The following PHF3 variants were observed in gnomAD, a reference collection of about 807,000 sequenced individuals.
The protein encoded by PHF3 is PHD finger protein 3.
In PHF3, 41 loss-of-function variants were observed where a neutral mutation model predicts 178.4. The ratio of observed to expected loss-of-function variants is 0.23; its 90% CI spans 0.18 to 0.30. PHF3 has a LOEUF of 0.30. Among genes scored for constraint, PHF3 ranks in the 10% least tolerant of loss-of-function variants. The pLI is 1.00. For synonymous variants in PHF3, 842 were observed against 800.5 expected (o/e 1.05, Z -0.88); for missense variants, 2,346 against 2,398.1 (o/e 0.98, Z 0.45).
chr6:63,700,495 C>A, intron 9 of PHF3, 29 bp downstream of exon 9: 1 of 1,158,400 alleles, frequency 8.6e-7, no homozygotes, highest in Non-Finnish European at 1.3e-6. Context: ...ATGCATTTGA[C>A]TATCAAAATC....
chr6:63,670,575 C>T (rs548478045), intron 2 of PHF3, among the ~76,000 whole-genome samples: 4 of 152,264 alleles, frequency 2.6e-5, no homozygotes, highest in African/African-American at 9.6e-5. Context: ...CATGAGCCAC[C>T]GTGCCCGGCG....
At chr6:63,698,175 G>T (rs764254848) in intron 6 of PHF3, 48 bp from the exon 7 acceptor site, 1 of 1,449,098 alleles carries the variant, frequency 6.9e-7, no homozygotes, top group South Asian at 1.3e-5. Flanking sequence ...AAAAAGGAAA[G>T]ATATTTTTAA....
In PHF3 at chr6:63,706,757, G is replaced by T; in HGVS notation, c.3592G>T (p.Glu1198Ter). ...RPEMPGTVEV[E>*]STFLARLNFI... ...AGAGATGCCTGGAACTGTTGAAGTT[G>T]AGTCTACCTTTCTGGCTCGATTGAA... Residue 1198 changes from glutamate to a stop codon, truncating the protein, a stop_gained, in exon 13 of 16, where the codon GAG (glutamate) becomes TAG (stop). Transcript: ENST00000262043. LOFTEE classifies it high-confidence loss of function. The T allele has an allele frequency of 6.2e-7, 1 of 1,613,866 alleles. No individual in the cohort carries two copies. Among genetic ancestry groups the T allele is most frequent in the Non-Finnish European group, 8.5e-7 (1 of 1,179,876 alleles).
Position 63,698,540 on chromosome 6 carries a change from A to T in PHF3, c.2917A>T (p.Thr973Ser). The change falls in exon 8 of 16, where the codon ACA (threonine) becomes TCA (serine). Residue 973 changes from threonine to serine, a missense_variant. Coordinates refer to ENST00000262043, the MANE Select transcript of PHF3 (RefSeq NM_001370348.2). ...AGAGCTTTTCTCTTTTTTTCGGGAC[A>T]CAGATGCTAAATATAAGAACAAATA... Reference protein sequence around the residue: ...EKELFSFFRDTDAKYKNKYRS... With the variant: ...EKELFSFFRDSDAKYKNKYRS... The T allele has an allele frequency of 6.3e-7, 1 of 1,599,350 alleles. No individual in the cohort carries two copies. The highest frequency in any genetic ancestry group is 8.5e-7 in the Non-Finnish European group (1 of 1,175,094).
Position 63,716,368 on chromosome 6 carries a change from C to T in PHF3, c.*2660C>T, listed in dbSNP as rs151142655. 6.6e-5 allele frequency among the ~76,000 whole-genome samples: 10 copies of T among 152,268 alleles called. No individual in the cohort carries two copies. Among genetic ancestry groups the T allele is most frequent in the African/African-American group, 1.2e-4 (5 of 41,574 alleles). Reference sequence around the variant, plus strand: ...TACCTTTCATAGCCCTCTTTCTTTGCGTTCCACTGAACTGTCTGAAACCCT... The same window carrying T: ...TACCTTTCATAGCCCTCTTTCTTTGTGTTCCACTGAACTGTCTGAAACCCT... On this transcript the variant is annotated 3_prime_UTR_variant, in exon 16 of 16. Coordinates refer to ENST00000262043, the MANE Select transcript of PHF3 (RefSeq NM_001370348.2).
chr6:63,679,965 T>A (rs1197887965), intron 2 of PHF3, 35 bp from the exon 3 acceptor site: 2 of 1,575,094 alleles, frequency 1.3e-6, no homozygotes, highest in Non-Finnish European at 1.7e-6. Flanking sequence ...TTCCCAATAT[T>A]TTTAAAAGTT....
intron 10 of PHF3, among the ~76,000 whole-genome samples, 190 bp from the exon 11 acceptor site, chr6:63,703,346 T>G (rs1767556442): frequency 6.6e-6 from 1 of 152,166 alleles, no homozygotes; most frequent in Admixed American, 6.5e-5. Context: ...TTTGCTCTTT[T>G]AAGTCACAGT....
chr6:63,670,475 A>C (rs2149567421), intron 2 of PHF3, among the ~76,000 whole-genome samples: 1 of 152,014 alleles, frequency 6.6e-6, no homozygotes, highest in South Asian at 2.1e-4. Context: ...TCACCACGTT[A>C]GCCAGGATGG....
In PHF3 at chr6:63,684,639, A is replaced by G. The variant is rs760614750; in HGVS notation, c.917A>G (p.Glu306Gly). The G allele has an allele frequency of 6.2e-7, 1 of 1,613,902 alleles. No homozygotes were observed. Among genetic ancestry groups the G allele is most frequent in the East Asian group, 2.2e-5 (1 of 44,866 alleles). ...QNDSISGKTGETVVEEMIATR... is the reference protein window; with the variant it reads ...QNDSISGKTGGTVVEEMIATR... ...GATTCCATTTCAGGTAAAACGGGTG[A>G]GACTGTTGTTGAAGAAATGATAGCA... is the stretch of plus-strand genomic sequence containing the variant. The change falls in exon 4 of 16, where the codon GAG (glutamate) becomes GGG (glycine). Residue 306 changes from glutamate to glycine, a missense_variant. This residue lies in a region of PHF3 where 843 missense variants were observed against 795.2 expected (regional missense o/e 1.06). Coordinates refer to ENST00000262043, the MANE Select transcript of PHF3 (RefSeq NM_001370348.2).
chr6:63,666,918 G>GT (rs923443641), intron 2 of PHF3, among the ~76,000 whole-genome samples: 3 of 151,832 alleles, frequency 2.0e-5, no homozygotes, highest in Admixed American at 6.6e-5. Flanking sequence ...TGCCCAGCTA[G>GT]TTTTTGTATT....
intron 2 of PHF3, among the ~76,000 whole-genome samples, chr6:63,678,308 T>G (rs965528614): frequency 2.0e-5 from 3 of 152,062 alleles, no homozygotes; most frequent in Non-Finnish European, 1.5e-5. Flanking sequence ...GCAACCAATA[T>G]TCCATCATGG....
rs143674918 is a variant in PHF3, at chr6:63,689,219, C to T, written c.2190-2518C>T. Among the ~76,000 whole-genome samples the T allele has an allele frequency of 6.8e-3, 1,029 of 152,238 alleles. 3 individuals carry two copies. Among genetic ancestry groups the T allele is most frequent in the East Asian group, 0.015 (76 of 5,188 alleles). On this transcript the variant is annotated intron_variant, in intron 4 of 15. Coordinates refer to ENST00000262043, the MANE Select transcript of PHF3 (RefSeq NM_001370348.2). Reference sequence around the variant, plus strand: ...ATGCAACTTTTGAACTTCTTTTAAACGTAAGTCAGTTGGCATTTTGTAAGG... The same window carrying T: ...ATGCAACTTTTGAACTTCTTTTAAATGTAAGTCAGTTGGCATTTTGTAAGG...
chr6:63,671,686 A>G (rs1486338051), intron 2 of PHF3, among the ~76,000 whole-genome samples: 4 of 152,214 alleles, frequency 2.6e-5, no homozygotes. Context: ...CATGGTTACT[A>G]AATAGTTCTA....
At chr6:63,636,184 G>A (rs1043079030) in intron 1 of PHF3, 34 bp downstream of exon 1, 1 of 375,124 alleles carries the variant, frequency 2.7e-6, no homozygotes, top group Non-Finnish European at 4.7e-6. Flanking sequence ...CCAGGGAGAC[G>A]GGCAATCCTC....
At chr6:63,659,554 A>G (rs532419563) in intron 2 of PHF3, among the ~76,000 whole-genome samples, 268 of 152,324 alleles carry the variant, frequency 1.8e-3, no homozygotes, top group African/African-American at 6.0e-3. Flanking sequence ...TGCTAGCTCT[A>G]TCTTACTAAA....
At chr6:63,664,959 T>A (rs1191137725) in intron 2 of PHF3, among the ~76,000 whole-genome samples, 1 of 152,128 alleles carries the variant, frequency 6.6e-6, no homozygotes, top group Non-Finnish European at 1.5e-5. Context: ...ATTTCTGCCA[T>A]CTTTCAGTGT....
chr6:63,666,496 G>A (rs1050335794), intron 2 of PHF3, among the ~76,000 whole-genome samples: 1 of 150,776 alleles, frequency 6.6e-6, no homozygotes, highest in Non-Finnish European at 1.5e-5. Flanking sequence ...GAGTCATTCC[G>A]CGGTATCCAT....
In PHF3 at chr6:63,684,264, T is replaced by G. The variant is rs774764870; in HGVS notation, c.542T>G (p.Val181Gly). The G allele has an allele frequency of 1.9e-6, 3 of 1,613,892 alleles. No homozygotes were observed. Among genetic ancestry groups the G allele is most frequent in the Non-Finnish European group, 2.5e-6 (3 of 1,179,868 alleles). ...GTGAAACAACCAGAAAGGAGTCAGGTTAAAGAAGAAGTATGTATGTCACTG... is the reference window on the plus strand; with the variant it reads ...GTGAAACAACCAGAAAGGAGTCAGGGTAAAGAAGAAGTATGTATGTCACTG... ...AGVKQPERSQ[V>G]KEEVCMSLKP... Residue 181 changes from valine (V) to glycine (G), a missense_variant, in exon 4 of 16, where the codon GTT (valine) becomes GGT (glycine). Val to Gly is a moderately radical substitution (Grantham distance 109). This residue lies in a region of PHF3 where 843 missense variants were observed against 795.2 expected (regional missense o/e 1.06). Transcript: ENST00000262043.
At chr6:63,636,934 C>T (rs1764368664) in intron 1 of PHF3, 1 of 152,186 alleles carries the variant, frequency 6.6e-6, no homozygotes, top group East Asian at 1.9e-4. Flanking sequence ...TGTGTCCCTC[C>T]TTTCCCTCAG....
Sources: allele counts gnomAD v4.1 joint callset (sites outside exome capture counted in the v4.1 genomes callset), GRCh38; gene constraint gnomAD v4.1.1; regional missense constraint gnomAD v4.1.1; transcripts MANE v1.5; gene names NCBI Gene and HGNC (gene_info 2026-07-23, HGNC 2026-07-21).